Variants in EPS8 observed in about 807,000 individuals in gnomAD.
The protein encoded by EPS8 is EGFR pathway substrate 8, signaling adaptor.
Under a neutral mutation model 103.8 loss-of-function variants are expected in EPS8, and 42 were observed. That is an observed-to-expected ratio of 0.40 (90% CI 0.32 to 0.52). The LOEUF (loss-of-function observed/expected upper bound fraction) is 0.52. EPS8 is among the 20% of genes least tolerant of loss of function. The pLI is 0.40. For synonymous variants in EPS8, 344 were observed against 344.6 expected (o/e 1.00, Z 0.02); for missense variants, 969 against 1,005.1 (o/e 0.96, Z 0.49).
rs893975871 is a variant in EPS8, at chr12:15,702,878, C to T, written c.-21-19906G>A. On this transcript the variant is annotated intron_variant, in intron 1 of 20. Transcript: ENST00000281172. The surrounding 1 kb of genome is among the most constrained non-coding windows in gnomAD (Gnocchi z 5.1). ...TAATAAGTTCATTCGAGGCTGGGCG[C>T]GGTGGCTCAGGCCTTTAATCCCAGC... Among the ~76,000 whole-genome samples the T allele has an allele frequency of 9.9e-5, 15 of 152,132 alleles. No homozygotes were observed. The highest frequency in any genetic ancestry group is 5.9e-4 in the Admixed American group (9 of 15,276).
At position 15,704,195 on chromosome 12, in the gene EPS8, G is replaced by T. The variant is rs1946353499; in HGVS notation, c.-21-21223C>A. On this transcript the variant is annotated intron_variant, in intron 1 of 20. Transcript: ENST00000281172. This position sits in a 1 kb window ranked among gnomAD's most constrained non-coding sequence, Gnocchi z 4.6. ...CAGCTCCTCAAAAAAATCAAGCATA[G>T]AATTACTATATGATCCAGCAGTTCT... 1.3e-5 allele frequency among the ~76,000 whole-genome samples: 2 copies of T among 151,992 alleles called. No individual in the cohort carries two copies. Among genetic ancestry groups the T allele is most frequent in the Admixed American group, 1.3e-4 (2 of 15,258 alleles).
At chr12:15,667,621 G>GA (rs1945738686) in intron 6 of EPS8, among the ~76,000 whole-genome samples, 1 of 152,012 alleles carries the variant, frequency 6.6e-6, no homozygotes, top group Non-Finnish European at 1.5e-5. Context: ...ATATTTCTAA[G>GA]AAAAATTTTA....
At position 15,702,976 on chromosome 12, in the gene EPS8, C is replaced by T. The variant is rs1416469090; in HGVS notation, c.-21-20004G>A. The stretch of plus-strand genomic sequence containing the variant: ...CCATCCTGGCCAACATAGTGAAACC[C>T]CATCTCCACTAAAAATACAAAAATT... On this transcript the variant is annotated intron_variant, in intron 1 of 20. Coordinates refer to ENST00000281172, the MANE Select transcript of EPS8 (RefSeq NM_004447.6). The surrounding 1 kb of genome is among the most constrained non-coding windows in gnomAD (Gnocchi z 5.1). 1.3e-5 allele frequency among the ~76,000 whole-genome samples: 2 copies of T among 152,078 alleles called. No homozygotes were observed. Among genetic ancestry groups the T allele is most frequent in the East Asian group, 3.9e-4 (2 of 5,176 alleles).
chr12:15,699,439 C>A (rs1467952976), intron 1 of EPS8, among the ~76,000 whole-genome samples: 1 of 152,310 alleles, frequency 6.6e-6, no homozygotes, highest in South Asian at 2.1e-4. Context: ...ACACACAGAT[C>A]ATTTGACATC....
chr12:15,670,936 T>C lies in EPS8; in HGVS notation c.137-13A>G. 6.2e-7 allele frequency: 1 copy of C among 1,607,974 alleles called. No individual in the cohort carries two copies. The highest frequency in any genetic ancestry group is 8.5e-7 in the Non-Finnish European group (1 of 1,174,980). ...TTCTTCCTTTGTTCTGAAAGAGAAA[T>C]TGAAAAAGCCATGATTTGTCCCCTA... On this transcript the variant is annotated splice_polypyrimidine_tract_variant and intron_variant, in intron 3 of 20. Transcript: ENST00000281172.
Position 15,704,544 on chromosome 12 carries a change from A to T in EPS8, c.-21-21572T>A, listed in dbSNP as rs999834698. ...GAATAGTCAAATTCAAAGACACAGA[A>T]AGCATAATGGTGGCTGCCAGGGGCT... On this transcript the variant is annotated intron_variant, in intron 1 of 20. Transcript: ENST00000281172. The surrounding 1 kb of genome is among the most constrained non-coding windows in gnomAD (Gnocchi z 4.6). Among the ~76,000 whole-genome samples the T allele has an allele frequency of 2.6e-5, 4 of 152,142 alleles. No homozygotes were observed. Among genetic ancestry groups the T allele is most frequent in the African/African-American group, 9.7e-5 (4 of 41,434 alleles).
intron 1 of EPS8, among the ~76,000 whole-genome samples, chr12:15,743,919 A>G (rs1946849803): frequency 6.6e-6 from 1 of 152,216 alleles, no homozygotes; most frequent in Non-Finnish European, 1.5e-5. Context: ...ATGGGATCTA[A>G]TTAAACTAAA....
Position 15,696,176 on chromosome 12 carries a change from C to T in EPS8, c.-21-13204G>A, listed in dbSNP as rs768916098. 2.0e-5 allele frequency among the ~76,000 whole-genome samples: 3 copies of T among 152,124 alleles called. No homozygotes were observed. The highest frequency in any genetic ancestry group is 2.9e-5 in the Non-Finnish European group (2 of 68,034). The stretch of plus-strand genomic sequence containing the variant: ...TGTTTCAAGACAAGGTGAAACAGTA[C>T]TCTGTTGACAAAAAATATGTAAAAA... On this transcript the variant is annotated intron_variant, in intron 1 of 20. Coordinates refer to ENST00000281172, the MANE Select transcript of EPS8 (RefSeq NM_004447.6). This position sits in a 1 kb window ranked among gnomAD's most constrained non-coding sequence, Gnocchi z 4.8.
chr12:15,654,558 C>T (rs1945474496), intron 12 of EPS8: 2 of 434,706 alleles, frequency 4.6e-6, no homozygotes, highest in Non-Finnish European at 8.2e-6. Flanking sequence ...TATAGTTTCT[C>T]TGGAAGATAC....
intron 1 of EPS8, among the ~76,000 whole-genome samples, chr12:15,709,568 T>C (rs1322040251): frequency 2.0e-5 from 3 of 152,244 alleles, no homozygotes; most frequent in Non-Finnish European, 2.9e-5. Flanking sequence ...CTACTGACAA[T>C]TTTTAGCCAG....
chr12:15,631,900 G>A, intron 17 of EPS8: 2 of 382,136 alleles, frequency 5.2e-6, no homozygotes, highest in Non-Finnish European at 9.4e-6. Flanking sequence ...TACGTCAATA[G>A]CAAATAGTAG....
In EPS8 at chr12:15,760,130, G is replaced by A. The variant is rs985667507; in HGVS notation, c.-22+29031C>T. ...AGATGAAAAAGTAGACATTACAGCT[G>A]ATACCACAGAAATTCAAAGGATCAT... On this transcript the variant is annotated intron_variant, in intron 1 of 20. Transcript: ENST00000281172. This position sits in a 1 kb window ranked among gnomAD's most constrained non-coding sequence, Gnocchi z 4.5. Among the ~76,000 whole-genome samples, 7 of 151,912 alleles carry A rather than the reference G, an allele frequency of 4.6e-5. No homozygotes were observed. Among genetic ancestry groups the A allele is most frequent in the African/African-American group, 1.7e-4 (7 of 41,402 alleles).
Position 15,772,960 on chromosome 12 carries a change from G to A in EPS8, c.-22+16201C>T, listed in dbSNP as rs1947169395. ...GTAAAAACTAAACATTTTCCTTTTG[G>A]TTTAGCTTTTAGAAGATGGCAGATG... On this transcript the variant is annotated intron_variant, in intron 1 of 20. Transcript: ENST00000281172. This position sits in a 1 kb window ranked among gnomAD's most constrained non-coding sequence, Gnocchi z 5.0. Among the ~76,000 whole-genome samples, 1 of 152,118 alleles carries A rather than the reference G, an allele frequency of 6.6e-6. No individual in the cohort carries two copies. Among genetic ancestry groups the A allele is most frequent in the Non-Finnish European group, 1.5e-5 (1 of 68,010 alleles).
In EPS8 at chr12:15,714,491, A is replaced by C. The variant is rs900081886; in HGVS notation, c.-21-31519T>G. Among the ~76,000 whole-genome samples the C allele has an allele frequency of 1.3e-5, 2 of 152,114 alleles. No homozygotes were observed. The highest frequency in any genetic ancestry group is 4.8e-5 in the African/African-American group (2 of 41,416). On this transcript the variant is annotated intron_variant, in intron 1 of 20. Coordinates refer to ENST00000281172, the MANE Select transcript of EPS8 (RefSeq NM_004447.6). This position sits in a 1 kb window ranked among gnomAD's most constrained non-coding sequence, Gnocchi z 4.1. ...ACCCCATCTCCACAAAAAATTCAGC[A>C]ATCAGCCAAGCATGGTGGTACACAC...
Position 15,621,177 on chromosome 12 carries a change from A to G in EPS8, c.*140T>C, listed in dbSNP as rs1337109481. On this transcript the variant is annotated 3_prime_UTR_variant, in exon 21 of 21. Transcript: ENST00000281172. ...GGGCCTAGAAGCAAATCCTGTGCTC[A>G]CTCAGGTTTGCATGGGTTTTTTTTT... 1.1e-5 allele frequency: 5 copies of G among 452,652 alleles called. No homozygotes were observed. Among genetic ancestry groups the G allele is most frequent in the Admixed American group, 6.1e-5 (1 of 16,458 alleles). The allele number at this position is 452,652 out of a possible 1,614,324, so 28.0% of individuals were successfully genotyped here. A position where few individuals can be genotyped will look rare whatever the true frequency, so the allele number is the denominator to read the frequency against.
At chr12:15,637,516 A>T (rs1479622246) in intron 17 of EPS8, among the ~76,000 whole-genome samples, 1 of 152,208 alleles carries the variant, frequency 6.6e-6, no homozygotes, top group African/African-American at 2.4e-5. Flanking sequence ...AATCAAATGA[A>T]TTTGGATTTG....
chr12:15,707,554 TAA>T (rs77451404), intron 1 of EPS8, among the ~76,000 whole-genome samples: 2 of 143,124 alleles, frequency 1.4e-5, no homozygotes. Flanking sequence ...CTCACTACCT[TAA>T]AAAAAAAAAA....
chr12:15,643,662 C>T (rs551639597), intron 15 of EPS8, among the ~76,000 whole-genome samples: 17 of 140,572 alleles, frequency 1.2e-4, no homozygotes, highest in Admixed American at 6.3e-4. Flanking sequence ...TCGCTTGAAA[C>T]AGGGAGGCAG....
rs1240425475 is a variant in EPS8 at position 15,702,225 on chromosome 12, G to A, written c.-21-19253C>T. On this transcript the variant is annotated intron_variant, in intron 1 of 20. Coordinates refer to ENST00000281172, the MANE Select transcript of EPS8 (RefSeq NM_004447.6). The surrounding 1 kb of genome is among the most constrained non-coding windows in gnomAD (Gnocchi z 5.1). ...CCCCTGTTAACACCACTCTGGAGAT[G>A]CTAAAGATTCAGAGGTGCTCTTGGA... is the stretch of plus-strand genomic sequence containing the variant. 6.6e-6 allele frequency among the ~76,000 whole-genome samples: 1 copy of A among 152,178 alleles called. No homozygotes were observed. Among genetic ancestry groups the A allele is most frequent in the Non-Finnish European group, 1.5e-5 (1 of 68,036 alleles).
Sources: gnomAD v4.1 joint callset for allele counts (sites outside exome capture counted in the v4.1 genomes callset) on GRCh38, gnomAD v4.1.1 for gene constraint, Gnocchi (gnomAD v3.1) non-coding constraint, MANE v1.5 for transcripts, NCBI Gene and HGNC (gene_info 2026-07-23, HGNC 2026-07-21) for gene names.